The following NCALD variants were observed in gnomAD, a reference collection of about 807,000 sequenced individuals.
The protein encoded by NCALD is neurocalcin delta, also known as neurocalcin-delta.
NCALD carries 10 observed loss-of-function variants against 18.6 expected under a neutral mutation model. The ratio of observed to expected loss-of-function variants is 0.54; its 90% confidence interval spans 0.33 to 0.91. The LOEUF is 0.91. Among genes scored for constraint, NCALD ranks in the 40% least tolerant of loss-of-function variants. The pLI, the probability that NCALD is intolerant of heterozygous loss-of-function variation, is 0.03. For missense variants in NCALD, 184 were observed against 247.6 expected (o/e 0.74, Z 1.72); for synonymous variants, 88 against 87.4 (o/e 1.01, Z -0.04).
At chr8:101,731,593 G>A (rs1318797963) in intron 1 of NCALD, among the ~76,000 whole-genome samples, 1 of 152,158 alleles carries the variant, frequency 6.6e-6, no homozygotes, top group African/African-American at 2.4e-5. Flanking sequence ...CGAGAGCTTA[G>A]GAGGGCACAC....
intron 1 of NCALD, among the ~76,000 whole-genome samples, chr8:101,790,271 G>A (rs528765634): frequency 2.0e-5 from 3 of 152,072 alleles, no homozygotes; most frequent in African/African-American, 4.8e-5. Context: ...GCATATTCCC[G>A]ATTATTTCTC....
At chr8:101,933,600 T>C (rs1818653992) in intron 2 of NCALD, among the ~76,000 whole-genome samples, 1 of 152,334 alleles carries the variant, frequency 6.6e-6, no homozygotes, top group Admixed American at 6.5e-5. Flanking sequence ...CAACTACCTC[T>C]CATCCTGCAA....
At chr8:101,967,493 T>C (rs1236604324) in intron 2 of NCALD, among the ~76,000 whole-genome samples, 1 of 152,074 alleles carries the variant, frequency 6.6e-6, no homozygotes, top group Non-Finnish European at 1.5e-5. Flanking sequence ...TCAATCCAAG[T>C]AGTCAGATGT....
At chr8:101,917,129 C>G (rs1273186987) in intron 2 of NCALD, among the ~76,000 whole-genome samples, 1 of 151,938 alleles carries the variant, frequency 6.6e-6, no homozygotes, top group Non-Finnish European at 1.5e-5. Context: ...TTAAAAATAT[C>G]AAAATCATAC....
intron 2 of NCALD, among the ~76,000 whole-genome samples, chr8:101,917,663 A>G (rs943663567): frequency 9.2e-5 from 14 of 152,282 alleles, no homozygotes; most frequent in Non-Finnish European, 1.9e-4. Context: ...TCCCACAGAA[A>G]TACAAAAGAT....
chr8:101,801,157 T>C (rs975971669), intron 4 of NCALD, among the ~76,000 whole-genome samples: 10 of 152,190 alleles, frequency 6.6e-5, no homozygotes, highest in African/African-American at 2.2e-4. Flanking sequence ...TATAGAAATA[T>C]AAGCAAGAAG....
chr8:101,740,868 A>G (rs527766269), intron 1 of NCALD, among the ~76,000 whole-genome samples: 1 of 152,188 alleles, frequency 6.6e-6, no homozygotes, highest in East Asian at 1.9e-4. Flanking sequence ...TCCCAGCAGG[A>G]ACCACCTAAG....
intron 1 of NCALD, among the ~76,000 whole-genome samples, chr8:102,073,005 T>A (rs1474934892): frequency 6.6e-5 from 10 of 152,352 alleles, no homozygotes; most frequent in African/African-American, 2.4e-5. Context: ...ATGTATCATG[T>A]ACATAATAAA....
chr8:101,913,369 C>T (rs1817867631), intron 3 of NCALD, among the ~76,000 whole-genome samples: 1 of 152,222 alleles, frequency 6.6e-6, no homozygotes, highest in Non-Finnish European at 1.5e-5. Flanking sequence ...ATGCTTTATA[C>T]ATGTGTATAC....
At chr8:101,980,326 G>A (rs1469302606) in intron 2 of NCALD, among the ~76,000 whole-genome samples, 1 of 152,182 alleles carries the variant, frequency 6.6e-6, no homozygotes, top group Non-Finnish European at 1.5e-5. Flanking sequence ...ACTGAAGGGG[G>A]AGGCATGCAC....
intron 1 of NCALD, among the ~76,000 whole-genome samples, chr8:101,763,966 C>CCACACA (rs754411989): frequency 5.9e-5 from 5 of 85,296 alleles, no homozygotes; most frequent in African/African-American, 2.0e-4. Flanking sequence ...CTCTCTCTCT[C>CCACACA]CACACACACA....
intron 2 of NCALD, among the ~76,000 whole-genome samples, chr8:101,920,864 C>A (rs1818139651): frequency 6.6e-6 from 1 of 152,292 alleles, no homozygotes; most frequent in South Asian, 2.1e-4. Context: ...CACATATACC[C>A]ACTGAATCTA....
At chr8:101,813,438 A>G (rs1280137209) in intron 4 of NCALD, among the ~76,000 whole-genome samples, 1 of 152,144 alleles carries the variant, frequency 6.6e-6, no homozygotes, top group East Asian at 1.9e-4. Flanking sequence ...GGGTTTTGTA[A>G]GCCAGTGTAT....
intron 1 of NCALD, among the ~76,000 whole-genome samples, chr8:102,067,951 C>G (rs958577609): frequency 6.6e-6 from 1 of 152,226 alleles, no homozygotes; most frequent in Non-Finnish European, 1.5e-5. Context: ...GCTCCCCCTT[C>G]GCTCTGTTCT....
chr8:102,109,793 G>A (rs6994672), intron 1 of NCALD, among the ~76,000 whole-genome samples: 12,273 of 152,050 alleles, frequency 0.081, 1,313 homozygotes, highest in African/African-American at 0.25. Context: ...ATAAATACAA[G>A]ATACTATAAA....
At chr8:101,937,137 T>C (rs1818792404) in intron 2 of NCALD, among the ~76,000 whole-genome samples, 1 of 152,182 alleles carries the variant, frequency 6.6e-6, no homozygotes, top group African/African-American at 2.4e-5. Flanking sequence ...GAAGTGATGC[T>C]TTAAAACAGA....
chr8:101,896,480 A>G (rs898217337), intron 3 of NCALD, among the ~76,000 whole-genome samples: 5 of 151,960 alleles, frequency 3.3e-5, no homozygotes, highest in African/African-American at 4.8e-5. Flanking sequence ...CTAAAACACC[A>G]AAAGCAATGG....
intron 2 of NCALD, among the ~76,000 whole-genome samples, chr8:101,972,277 G>A (rs1195415004): frequency 6.6e-6 from 1 of 152,176 alleles, no homozygotes; most frequent in African/African-American, 2.4e-5. Flanking sequence ...AAGCTTTGTG[G>A]TCAGGCACAG....
At chr8:101,956,087 C>G (rs1433615979) in intron 2 of NCALD, among the ~76,000 whole-genome samples, 2 of 152,068 alleles carry the variant, frequency 1.3e-5, no homozygotes, top group Admixed American at 1.3e-4. Flanking sequence ...CTATTCTTGA[C>G]ATTTTTCTAT....
Sources: gnomAD v4.1 joint callset for allele counts (sites outside exome capture counted in the v4.1 genomes callset) on GRCh38, gnomAD v4.1.1 for gene constraint, MANE v1.5 for transcripts, NCBI Gene and HGNC (gene_info 2026-07-23, HGNC 2026-07-21) for gene names.